The following NOL4 variants were observed in gnomAD, a reference collection of about 807,000 sequenced individuals.
NOL4 encodes the protein nucleolar protein 4, also known as cancer/testis antigen 125.
A neutral mutation model predicts 75.9 loss-of-function variants in NOL4; 17 were observed. The observed-to-expected ratio is 0.22, with a 90% CI of 0.15 to 0.34. NOL4 has a LOEUF of 0.34. Among genes scored for constraint, NOL4 ranks in the 10% least tolerant of loss-of-function variants. The pLI is 1.00. For missense variants in NOL4, 614 were observed against 793.5 expected (o/e 0.77, Z 2.72); for synonymous variants, 292 against 289.9 (o/e 1.01, Z -0.07).
intron 4 of NOL4, among the ~76,000 whole-genome samples, chr18:34,096,395 A>G (rs905076235): frequency 2.0e-5 from 3 of 152,056 alleles, no homozygotes; most frequent in Non-Finnish European, 4.4e-5. Flanking sequence ...TGTATATTCT[A>G]GTTTAGTTAA....
intron 1 of NOL4, among the ~76,000 whole-genome samples, chr18:34,177,126 T>C (rs1452519798): frequency 2.0e-5 from 3 of 152,034 alleles, no homozygotes; most frequent in African/African-American, 7.2e-5. Context: ...GTATAACTTA[T>C]TGATGCATGT....
At chr18:33,983,420 T>C (rs921875476) in intron 6 of NOL4, among the ~76,000 whole-genome samples, 1 of 151,966 alleles carries the variant, frequency 6.6e-6, no homozygotes, top group Admixed American at 6.5e-5. Flanking sequence ...GAAGAGTTGG[T>C]ATGTGCATGT....
At chr18:34,014,467 T>A (rs1373678370) in intron 6 of NOL4, among the ~76,000 whole-genome samples, 3 of 151,934 alleles carry the variant, frequency 2.0e-5, no homozygotes, top group Admixed American at 2.0e-4. Flanking sequence ...AAAAGATAAA[T>A]AGAAAACAAA....
At chr18:34,196,804 A>G (rs2035362154) in intron 1 of NOL4, among the ~76,000 whole-genome samples, 1 of 152,070 alleles carries the variant, frequency 6.6e-6, no homozygotes, top group African/African-American at 2.4e-5. Flanking sequence ...AATAATATTA[A>G]ACAAATAATT....
At chr18:33,988,238 ATGCCTAC>A (rs2072620187) in intron 6 of NOL4, among the ~76,000 whole-genome samples, 2 of 152,166 alleles carry the variant, frequency 1.3e-5, no homozygotes, top group South Asian at 4.1e-4. Flanking sequence ...GAGAAGTAAA[ATGCCTAC>A]TGTCAATATT....
chr18:34,140,218 G>T (rs920580995), intron 1 of NOL4, among the ~76,000 whole-genome samples: 1 of 152,092 alleles, frequency 6.6e-6, no homozygotes, highest in African/African-American at 2.4e-5. Context: ...AGCTGAGTTC[G>T]ATTCCTGGAT....
chr18:33,902,904 G>A (rs750019744), intron 9 of NOL4, among the ~76,000 whole-genome samples: 3 of 151,826 alleles, frequency 2.0e-5, no homozygotes, highest in Non-Finnish European at 4.4e-5. Flanking sequence ...GTAATTTTCT[G>A]TATTGCTTTT....
intron 2 of NOL4, among the ~76,000 whole-genome samples, chr18:34,116,066 CATAAAT>C (rs1384770465): frequency 1.3e-5 from 2 of 152,038 alleles, no homozygotes; most frequent in Non-Finnish European, 2.9e-5. Context: ...AAATTATTTC[CATAAAT>C]TAGAAGTAGA....
At chr18:34,069,565 A>AT (rs1045235525) in intron 5 of NOL4, among the ~76,000 whole-genome samples, 1 of 152,056 alleles carries the variant, frequency 6.6e-6, no homozygotes, top group Non-Finnish European at 1.5e-5. Context: ...ACTAAGCAGA[A>AT]TTTTTTTTAA....
chr18:33,878,399 A>G (rs1416785970), intron 10 of NOL4, among the ~76,000 whole-genome samples: 1 of 152,112 alleles, frequency 6.6e-6, no homozygotes, highest in African/African-American at 2.4e-5. Context: ...CTTACTAAGT[A>G]AATTAAAAGG....
intron 5 of NOL4, among the ~76,000 whole-genome samples, chr18:34,047,831 C>T (rs1482324040): frequency 2.6e-5 from 4 of 152,008 alleles, no homozygotes; most frequent in Admixed American, 2.6e-4. Flanking sequence ...AGGCGATCAA[C>T]AAAAAATCCT....
chr18:33,906,280 T>A (rs1369162788), intron 9 of NOL4, among the ~76,000 whole-genome samples: 1 of 152,160 alleles, frequency 6.6e-6, no homozygotes, highest in African/African-American at 2.4e-5. Context: ...CACCCAGATA[T>A]CTGTGGTCAT....
At chr18:33,853,092 G>A (rs2062691238) in intron 10 of NOL4, 57 bp from the exon 11 acceptor site, 1 of 1,409,184 alleles carries the variant, frequency 7.1e-7, no homozygotes, top group African/African-American at 1.4e-5. Flanking sequence ...CAGCATCTTG[G>A]ATGTGAGCAT....
chr18:34,160,541 T>C (rs1348075750), intron 1 of NOL4, among the ~76,000 whole-genome samples: 2 of 152,168 alleles, frequency 1.3e-5, no homozygotes, highest in African/African-American at 4.8e-5. Flanking sequence ...AACCTTTAAC[T>C]AGAGAAAATG....
At position 34,019,599 on chromosome 18, in the gene NOL4, C is replaced by G; in HGVS notation, c.775G>C (p.Asp259His). The G allele has an allele frequency of 6.2e-7, 1 of 1,608,512 alleles. No homozygotes were observed. The highest frequency in any genetic ancestry group is 8.5e-7 in the Non-Finnish European group (1 of 1,176,384). The change falls in exon 6 of 11, where the codon GAT (aspartate) becomes CAT (histidine). Residue 259 changes from aspartate (D) to histidine (H), a missense_variant and splice_region_variant. Asp to His is a moderately conservative substitution (Grantham distance 81, BLOSUM62 -1). Transcript: ENST00000261592. Reference sequence around the variant, plus strand: ...CCATTAAAGCTCTCTGCAGCAGAATCATCTGTTGGAAAGGAAAAGTTATAT... The same window carrying G: ...CCATTAAAGCTCTCTGCAGCAGAATGATCTGTTGGAAAGGAAAAGTTATAT... Reference protein sequence around the residue: ...PQNLHGQQDDDSAAESFNGNE... With the variant: ...PQNLHGQQDDHSAAESFNGNE...
At chr18:34,160,330 C>T (rs973908052) in intron 1 of NOL4, among the ~76,000 whole-genome samples, 2 of 152,006 alleles carry the variant, frequency 1.3e-5, no homozygotes, top group African/African-American at 4.8e-5. Context: ...ATTGCTGTAA[C>T]TAGGGCTTTT....
chr18:33,925,092 G>T lies in NOL4; in HGVS notation c.1542+17973C>A, dbSNP rs150249607. On this transcript the variant is annotated intron_variant, in intron 9 of 10. Coordinates refer to ENST00000261592, the MANE Select transcript of NOL4 (RefSeq NM_003787.5). Reference sequence around the variant, plus strand: ...AGTGATAATGTATACCTGAGTTTTTGAAAAAAATAAATGAGAAAATATGTT... The same window carrying T: ...AGTGATAATGTATACCTGAGTTTTTTAAAAAAATAAATGAGAAAATATGTT... Among the ~76,000 whole-genome samples the T allele has an allele frequency of 3.0e-4, 46 of 151,400 alleles. No homozygotes were observed. In the East Asian group the frequency reaches 7.6e-3, roughly 25 times the overall value.
chr18:33,853,620 C>A (rs2062714613), intron 10 of NOL4, among the ~76,000 whole-genome samples: 1 of 151,936 alleles, frequency 6.6e-6, no homozygotes, highest in Non-Finnish European at 1.5e-5. Context: ...TCATTTCAGG[C>A]AGATGTTGTT....
chr18:34,129,793 T>G, intron 2 of NOL4, 78 bp downstream of exon 2: 2 of 1,281,566 alleles, frequency 1.6e-6, no homozygotes, highest in Non-Finnish European at 2.1e-6. Context: ...TATTTATAAT[T>G]ATCGAACCCA....
Sources: gnomAD v4.1 joint callset for allele counts (sites outside exome capture counted in the v4.1 genomes callset) on GRCh38, gnomAD v4.1.1 for gene constraint, MANE v1.5 for transcripts, NCBI Gene and HGNC (gene_info 2026-07-23, HGNC 2026-07-21) for gene names.